Variants in GXYLT2 observed in about 807,000 individuals in gnomAD.
The protein encoded by GXYLT2 is glucoside xylosyltransferase 2.
GXYLT2 carries 53 observed loss-of-function variants against 45.8 expected under a neutral mutation model. The ratio of observed to expected loss-of-function variants is 1.16; its 90% CI spans 0.93 to 1.46. GXYLT2 has a LOEUF of 1.46. GXYLT2 is among the 40% of genes most tolerant of loss of function. The pLI, the probability that GXYLT2 is intolerant of heterozygous loss-of-function variation, is 0.00. For missense variants in GXYLT2, 551 were observed against 544.4 expected (o/e 1.01, Z -0.12); for synonymous variants, 219 against 214.2 (o/e 1.02, Z -0.19).
intron 5 of GXYLT2, 86 bp downstream of exon 5, chr3:72,957,438 A>T (rs1229764469): frequency 1.5e-6 from 2 of 1,362,852 alleles, no homozygotes; most frequent in African/African-American, 1.4e-5. Context: ...GTTGCTATTG[A>T]CTAGGCTTGA....
intron 3 of GXYLT2, among the ~76,000 whole-genome samples, chr3:72,937,119 C>T (rs1311831120): frequency 6.6e-6 from 1 of 152,110 alleles, no homozygotes; most frequent in Non-Finnish European, 1.5e-5. Flanking sequence ...TTTTGGTTAA[C>T]TATTTGACTA....
chr3:72,912,013 A>T (rs60047994), intron 2 of GXYLT2, among the ~76,000 whole-genome samples: 13,003 of 114,786 alleles, frequency 0.11, 1,036 homozygotes, highest in African/African-American at 0.21. Flanking sequence ...ATATATATAT[A>T]TTTTTTTTTT....
At chr3:72,939,060 A>G (rs1476318304) in intron 3 of GXYLT2, among the ~76,000 whole-genome samples, 2 of 152,226 alleles carry the variant, frequency 1.3e-5, no homozygotes, top group Non-Finnish European at 2.9e-5. Context: ...GGGGCACAAT[A>G]GAAACAAAAA....
chr3:72,929,001 C>T lies in GXYLT2; in HGVS notation c.600+6666C>T, dbSNP rs1575795419. 6 of 1,225,112 alleles carry T rather than the reference C, an allele frequency of 4.9e-6. No individual in the cohort carries two copies. In the African/African-American group the frequency reaches 5.9e-5, roughly 12 times the overall value. 75.9% of individuals were successfully genotyped at this position (1,225,112 alleles called of 1,614,324 possible). The stretch of plus-strand genomic sequence containing the variant: ...ACCGCCCCAAGGCCCGCCGCCGCTC[C>T]AGCGCCGCGCAGCCACCGCCGCCTC... On this transcript the variant is annotated intron_variant, in intron 3 of 6. Transcript: ENST00000389617.
chr3:72,926,712 G>T (rs114721922), intron 3 of GXYLT2, among the ~76,000 whole-genome samples: 19 of 152,250 alleles, frequency 1.2e-4, no homozygotes, highest in Non-Finnish European at 2.6e-4. Context: ...AATAACTGTG[G>T]TCTTCTGGGA....
chr3:72,920,237 T>A (rs1189260263), intron 2 of GXYLT2, among the ~76,000 whole-genome samples: 1 of 152,118 alleles, frequency 6.6e-6, no homozygotes, highest in African/African-American at 2.4e-5. Context: ...CGAGTTGATG[T>A]GATTCTCCTG....
At chr3:72,938,607 T>C (rs1446075860) in intron 3 of GXYLT2, among the ~76,000 whole-genome samples, 1 of 152,156 alleles carries the variant, frequency 6.6e-6, no homozygotes, top group East Asian at 1.9e-4. Context: ...CAAGGAAAGA[T>C]ACTGTGTGCT....
chr3:72,900,715 G>C (rs1709387217), intron 1 of GXYLT2, among the ~76,000 whole-genome samples: 1 of 151,770 alleles, frequency 6.6e-6, no homozygotes, highest in Admixed American at 6.6e-5. Flanking sequence ...ACCACACCCA[G>C]CCCACAATTC....
At chr3:72,930,983 C>G (rs1710022402) in intron 3 of GXYLT2, among the ~76,000 whole-genome samples, 1 of 152,120 alleles carries the variant, frequency 6.6e-6, no homozygotes, top group Non-Finnish European at 1.5e-5. Flanking sequence ...AACCAACCGA[C>G]TTCTTTAGGA....
chr3:72,889,914 T>TG (rs1709150519), intron 1 of GXYLT2, among the ~76,000 whole-genome samples: 1 of 150,172 alleles, frequency 6.7e-6, no homozygotes, highest in African/African-American at 2.5e-5. Context: ...TTTGTTTTTT[T>TG]TTTTTTTTTG....
chr3:72,954,485 A>G (rs2322810), intron 3 of GXYLT2, among the ~76,000 whole-genome samples: 12,465 of 149,764 alleles, frequency 0.083, 582 homozygotes, highest in African/African-American at 0.1. Context: ...AGGGCCCCCC[A>G]TTAACACTAG....
chr3:72,973,339 A>C (rs1392097499), intron 6 of GXYLT2, among the ~76,000 whole-genome samples: 2 of 152,136 alleles, frequency 1.3e-5, no homozygotes, highest in Non-Finnish European at 2.9e-5. Context: ...GCAGGAATGA[A>C]TTTGGTGTGC....
intron 3 of GXYLT2, among the ~76,000 whole-genome samples, chr3:72,940,692 T>C (rs1465440030): frequency 6.6e-6 from 1 of 152,212 alleles, no homozygotes; most frequent in Non-Finnish European, 1.5e-5. Context: ...GTTTGTTTGT[T>C]TGTTTCTGAG....
chr3:72,898,640 G>A (rs1029946909), intron 1 of GXYLT2, among the ~76,000 whole-genome samples: 3 of 152,148 alleles, frequency 2.0e-5, no homozygotes, highest in Admixed American at 6.6e-5. Flanking sequence ...CCCTGCACCC[G>A]AGCACCCGGG....
chr3:72,953,391 G>A (rs1428743802), intron 3 of GXYLT2, among the ~76,000 whole-genome samples: 1 of 152,054 alleles, frequency 6.6e-6, no homozygotes, highest in African/African-American at 2.4e-5. Flanking sequence ...CCAGGTTCAA[G>A]CAACCCTCCC....
At chr3:72,962,284 A>G (rs1180811213) in intron 5 of GXYLT2, among the ~76,000 whole-genome samples, 1 of 152,226 alleles carries the variant, frequency 6.6e-6, no homozygotes, top group Non-Finnish European at 1.5e-5. Context: ...ATGAGCCCTG[A>G]TGTAAAACGC....
chr3:72,937,434 A>G (rs754344692), intron 3 of GXYLT2, among the ~76,000 whole-genome samples: 3 of 152,234 alleles, frequency 2.0e-5, no homozygotes, highest in Non-Finnish European at 4.4e-5. Flanking sequence ...TAGGTGGCCA[A>G]TGACCACCCA....
chr3:72,920,943 C>G (rs1200938429), intron 2 of GXYLT2, among the ~76,000 whole-genome samples: 1 of 151,730 alleles, frequency 6.6e-6, no homozygotes, highest in Non-Finnish European at 1.5e-5. Flanking sequence ...GCCTCAGCCT[C>G]CTGAAGTAGC....
intron 1 of GXYLT2, among the ~76,000 whole-genome samples, chr3:72,901,583 CAG>C (rs1709409907): frequency 1.1e-5 from 1 of 90,262 alleles, no homozygotes; most frequent in Non-Finnish European, 1.9e-5. Flanking sequence ...TTTTTTGAGA[CAG>C]AGTCTCACTC....
Sources: gnomAD v4.1 joint callset for allele counts (sites outside exome capture counted in the v4.1 genomes callset) on GRCh38, gnomAD v4.1.1 for gene constraint, MANE v1.5 for transcripts, NCBI Gene and HGNC (gene_info 2026-07-23, HGNC 2026-07-21) for gene names.